Variants in SMAP1 observed in about 807,000 individuals in gnomAD.
SMAP1 encodes the protein stromal membrane-associated protein 1.
SMAP1 carries 24 observed loss-of-function variants against 58.5 expected under a neutral mutation model. The ratio of observed to expected loss-of-function variants is 0.41; its 90% CI spans 0.30 to 0.58. The LOEUF (loss-of-function observed/expected upper bound fraction) is 0.58. SMAP1 is among the 20% of genes least tolerant of loss of function. The pLI is 0.29. For synonymous variants in SMAP1, 216 were observed against 196.6 expected, an observed-to-expected ratio of 1.10 and a Z score of -0.82; for missense variants, 563 against 566.3, an observed-to-expected ratio of 0.99 and a Z score of 0.06.
At chr6:70,741,798 G>A (rs1377405698) in intron 2 of SMAP1, among the ~76,000 whole-genome samples, 1 of 152,196 alleles carries the variant, frequency 6.6e-6, no homozygotes, top group Non-Finnish European at 1.5e-5. Flanking sequence ...GGACATCCAG[G>A]TATTTCCATA....
At chr6:70,710,250 T>C (rs1166990362) in intron 1 of SMAP1, among the ~76,000 whole-genome samples, 9 of 152,122 alleles carry the variant, frequency 5.9e-5, no homozygotes. Context: ...CCCAGCACTT[T>C]GGAAGGCTGA....
intron 6 of SMAP1, among the ~76,000 whole-genome samples, chr6:70,828,766 A>G (rs1770242815): frequency 6.6e-6 from 1 of 152,200 alleles, no homozygotes; most frequent in Non-Finnish European, 1.5e-5. Context: ...TTTCCCACTC[A>G]GTGTTCTTCA....
chr6:70,757,074 C>A (rs1196080217), intron 3 of SMAP1, among the ~76,000 whole-genome samples: 1 of 152,074 alleles, frequency 6.6e-6, no homozygotes, highest in Non-Finnish European at 1.5e-5. Flanking sequence ...AATCCTAAGC[C>A]AAAAGAACAA....
intron 6 of SMAP1, among the ~76,000 whole-genome samples, chr6:70,805,166 T>C (rs1478010876): frequency 6.6e-6 from 1 of 152,198 alleles, no homozygotes; most frequent in Non-Finnish European, 1.5e-5. Flanking sequence ...TCTTTTCATA[T>C]AGTTTCATAT....
At chr6:70,678,963 A>G (rs959993848) in intron 1 of SMAP1, among the ~76,000 whole-genome samples, 4 of 151,778 alleles carry the variant, frequency 2.6e-5, no homozygotes, top group Admixed American at 6.6e-5. Context: ...GGGGGCCATT[A>G]TTCTGCCTAA....
At chr6:70,812,904 G>T (rs903943533) in intron 6 of SMAP1, among the ~76,000 whole-genome samples, 1 of 151,842 alleles carries the variant, frequency 6.6e-6, no homozygotes, top group Non-Finnish European at 1.5e-5. Flanking sequence ...ACATAACAAG[G>T]TCTACATCTC....
chr6:70,777,228 G>A (rs142826242), intron 4 of SMAP1, among the ~76,000 whole-genome samples: 1,971 of 152,150 alleles, frequency 0.013, 12 homozygotes, highest in Non-Finnish European at 0.022. Context: ...CCCACTGTCT[G>A]GCACTCCCTA....
chr6:70,751,517 AAACTTT>A (rs1562133499), intron 2 of SMAP1, among the ~76,000 whole-genome samples: 3 of 152,130 alleles, frequency 2.0e-5, no homozygotes, highest in African/African-American at 4.8e-5. Context: ...AATTTAATAG[AAACTTT>A]AACTTAAGTA....
intron 1 of SMAP1, among the ~76,000 whole-genome samples, chr6:70,673,363 C>T (rs1157159308): frequency 6.6e-6 from 1 of 152,184 alleles, no homozygotes; most frequent in Non-Finnish European, 1.5e-5. Flanking sequence ...AGGAATGTGG[C>T]CTCTGTCCCA....
At chr6:70,786,021 C>A (rs559853077) in intron 4 of SMAP1, among the ~76,000 whole-genome samples, 9 of 152,064 alleles carry the variant, frequency 5.9e-5, no homozygotes, top group Non-Finnish European at 1.3e-4. Flanking sequence ...TTAGACCAAT[C>A]TCCTTGATGA....
In SMAP1 at chr6:70,778,603, G is replaced by A. The variant is rs7771348; in HGVS notation, c.414+5178G>A. On this transcript the variant is annotated intron_variant, in intron 4 of 10. Transcript: ENST00000370455. ...TGGGCATGTGCAATGGATGTCATAG[G>A]ACCCAGATGAGTTAACCCTCAAGCC... Among the ~76,000 whole-genome samples, 1,517 of 152,322 alleles carry A rather than the reference G, an allele frequency of 1.0e-2. 31 individuals are homozygous for A. The highest frequency in any genetic ancestry group is 0.034 in the African/African-American group (1,414 of 41,568).
chr6:70,805,805 C>T (rs531970347), intron 6 of SMAP1, among the ~76,000 whole-genome samples: 23 of 152,260 alleles, frequency 1.5e-4, no homozygotes, highest in East Asian at 5.8e-4. Flanking sequence ...CTACTGTGGA[C>T]GCTGTTTTCC....
At position 70,791,687 on chromosome 6, in the gene SMAP1, A is replaced by G; in HGVS notation, c.415-2A>G. On this transcript the variant is annotated splice_acceptor_variant, in intron 4 of 10. Transcript: ENST00000370455. LOFTEE classifies it high-confidence loss of function. ...TCCTGACTTTTCACCTGTACTCCAC[A>G]GATTTCCTCCTCTGATGCTCCTCTT... 1 of 1,611,874 alleles carries G rather than the reference A, an allele frequency of 6.2e-7. No individual in the cohort carries two copies. Among genetic ancestry groups the G allele is most frequent in the Non-Finnish European group, 8.5e-7 (1 of 1,179,054 alleles).
chr6:70,688,742 T>G (rs934302139), intron 1 of SMAP1, among the ~76,000 whole-genome samples: 1 of 152,232 alleles, frequency 6.6e-6, no homozygotes, highest in Non-Finnish European at 1.5e-5. Context: ...TAACTTTACA[T>G]CCTCTTCACA....
intron 1 of SMAP1, among the ~76,000 whole-genome samples, chr6:70,713,387 C>T (rs1481243490): frequency 6.6e-6 from 1 of 151,940 alleles, no homozygotes; most frequent in Non-Finnish European, 1.5e-5. Context: ...TTAATGCAGA[C>T]ATTTATCACT....
intron 4 of SMAP1, among the ~76,000 whole-genome samples, chr6:70,779,242 T>C (rs528190080): frequency 3.9e-5 from 6 of 152,312 alleles, no homozygotes; most frequent in Admixed American, 3.3e-4. Context: ...CGAGTCTAGC[T>C]GGTGTTCTGA....
intron 4 of SMAP1, among the ~76,000 whole-genome samples, chr6:70,788,966 A>G (rs1768214326): frequency 1.3e-5 from 2 of 152,056 alleles, no homozygotes; most frequent in Non-Finnish European, 2.9e-5. Context: ...GATATTGATG[A>G]TTTCCTACTA....
intron 4 of SMAP1, among the ~76,000 whole-genome samples, chr6:70,785,834 C>T (rs1169923581): frequency 3.3e-5 from 5 of 152,306 alleles, no homozygotes; most frequent in African/African-American, 4.8e-5. Flanking sequence ...AAAAAGAGTT[C>T]AGGACCAGAT....
Position 70,770,062 on chromosome 6 carries a change from T to C in SMAP1, c.339-3288T>C, listed in dbSNP as rs369495437. Among the ~76,000 whole-genome samples the C allele has an allele frequency of 9.3e-5, 14 of 151,274 alleles. No individual in the cohort carries two copies. The East Asian group carries it at 1.4e-3, about 15-fold the overall frequency. On this transcript the variant is annotated intron_variant, in intron 3 of 10. Transcript: ENST00000370455. ...TCTGGCTTGAAAATTCTTTTAAGAATGTTGAATATTGGCCCCCACTCTCTT... is the reference window on the plus strand; with the variant it reads ...TCTGGCTTGAAAATTCTTTTAAGAACGTTGAATATTGGCCCCCACTCTCTT...
Sources: gnomAD v4.1 joint callset for allele counts (sites outside exome capture counted in the v4.1 genomes callset) on GRCh38, gnomAD v4.1.1 for gene constraint, MANE v1.5 for transcripts, NCBI Gene and HGNC (gene_info 2026-07-23, HGNC 2026-07-21) for gene names.